Variants in MTRF1 observed in about 807,000 individuals in gnomAD.
MTRF1 encodes peptide chain release factor 1, mitochondrial.
Under a neutral mutation model 62.9 loss-of-function variants are expected in MTRF1, and 51 were observed. The ratio of observed to expected loss-of-function variants is 0.81; its 90% CI spans 0.65 to 1.02. MTRF1 has a LOEUF of 1.02. Ranked by LOEUF, MTRF1 falls within the 50% of genes least tolerant of loss-of-function variation. The probability of loss-of-function intolerance (pLI) is 0.00; values close to 1 mark genes in which losing one functional copy is unlikely to be tolerated. For synonymous variants in MTRF1, 158 were observed against 181.9 expected (o/e 0.87, Z 1.06); for missense variants, 446 against 530.0 (o/e 0.84, Z 1.56).
chr13:41,264,130 A>G (rs2040753941), upstream of MTRF1, among the ~76,000 whole-genome samples: 1 of 152,250 alleles, frequency 6.6e-6, no homozygotes, highest in Non-Finnish European at 1.5e-5. Flanking sequence ...CCACAAATGT[A>G]GAAGATTCTG....
intron 5 of MTRF1, among the ~76,000 whole-genome samples, chr13:41,251,477 A>G (rs2039054798): frequency 6.6e-6 from 1 of 152,100 alleles, no homozygotes; most frequent in South Asian, 2.1e-4. Flanking sequence ...CTGACAAGCT[A>G]TGGGTAAACT....
the MTRF1 span, among the ~76,000 whole-genome samples, chr13:41,278,641 A>G: frequency 6.6e-6 from 1 of 152,224 alleles, no homozygotes; most frequent in Non-Finnish European, 1.5e-5. Context: ...AGACATTAGT[A>G]TCAGCCACTG....
chr13:41,287,145 C>T, the MTRF1 span, among the ~76,000 whole-genome samples: 6 of 152,284 alleles, frequency 3.9e-5, no homozygotes, highest in South Asian at 2.1e-4. Flanking sequence ...AGAACAACCA[C>T]GTGGCTCAGT....
intron 5 of MTRF1, among the ~76,000 whole-genome samples, chr13:41,250,300 T>G (rs2038904246): frequency 6.6e-6 from 1 of 152,154 alleles, no homozygotes; most frequent in Non-Finnish European, 1.5e-5. Context: ...CTCTTTTTAT[T>G]TTGCTAACTG....
the MTRF1 span, among the ~76,000 whole-genome samples, chr13:41,294,288 C>T: frequency 3.3e-5 from 5 of 151,550 alleles, no homozygotes; most frequent in East Asian, 3.9e-4. Context: ...CGTGGTGGTA[C>T]GTGCCTGTAA....
the MTRF1 span, among the ~76,000 whole-genome samples, chr13:41,309,407 T>TC: frequency 3.2e-3 from 476 of 150,532 alleles, 2 homozygotes; most frequent in Non-Finnish European, 3.5e-3. Flanking sequence ...CCGGCTGGTC[T>TC]CCAACTCCTG....
At chr13:41,249,410 G>A (rs1461791743) in intron 5 of MTRF1, among the ~76,000 whole-genome samples, 4 of 151,632 alleles carry the variant, frequency 2.6e-5, no homozygotes, top group East Asian at 2.0e-4. Context: ...GCGTAGTGGC[G>A]GGTGCCTGTA....
At chr13:41,219,510 A>C (rs756845691) in intron 9 of MTRF1, among the ~76,000 whole-genome samples, 2 of 152,186 alleles carry the variant, frequency 1.3e-5, no homozygotes, top group African/African-American at 4.8e-5. Flanking sequence ...AGCTAGACAA[A>C]TACATAAGCA....
rs1435410726 is a variant in MTRF1 at position 41,260,848 on chromosome 13, C to A, written c.60G>T (p.Gln20His). ...GATGAGAATGGAGCTGGATGTGACACTGGAGGTAACCATTAAGAGATGGAT... is the reference window on the plus strand; with the variant it reads ...GATGAGAATGGAGCTGGATGTGACAATGGAGGTAACCATTAAGAGATGGAT... Reference protein sequence around the residue: ...FRHPSLNGYLQCHIQLHSHQF... With the variant: ...FRHPSLNGYLHCHIQLHSHQF... Residue 20 changes from glutamine to histidine, a missense_variant, in exon 2 of 10, where the codon CAG becomes CAT. Physicochemically the swap from Gln to His is conservative, Grantham distance 24. Coordinates refer to ENST00000379480, the MANE Select transcript of MTRF1 (RefSeq NM_004294.4). 3 of 1,613,834 alleles carry A rather than the reference C, an allele frequency of 1.9e-6. No homozygotes were observed. The South Asian group carries it at 3.3e-5, about 18-fold the overall frequency.
the MTRF1 span, among the ~76,000 whole-genome samples, chr13:41,303,682 G>A: frequency 2.6e-5 from 4 of 152,164 alleles, no homozygotes; most frequent in Admixed American, 2.6e-4. Flanking sequence ...TTGCTGGGCT[G>A]CATTCCCAGG....
At chr13:41,300,789 A>G in the MTRF1 span, among the ~76,000 whole-genome samples, 1 of 152,212 alleles carries the variant, frequency 6.6e-6, no homozygotes, top group African/African-American at 2.4e-5. Flanking sequence ...TTAAAATGAC[A>G]TAAGTTATTG....
chr13:41,255,884 G>A lies in MTRF1; in HGVS notation c.416-1264C>T, dbSNP rs576215476. On this transcript the variant is annotated intron_variant, in intron 2 of 9. Coordinates refer to ENST00000379480, the MANE Select transcript of MTRF1 (RefSeq NM_004294.4). Reference sequence around the variant, plus strand: ...AGACCTCATGACCTTTGACTCCACTGCTTTAGAGGCTTGGAGACTTTATTT... The same window carrying A: ...AGACCTCATGACCTTTGACTCCACTACTTTAGAGGCTTGGAGACTTTATTT... 3.9e-5 allele frequency among the ~76,000 whole-genome samples: 6 copies of A among 152,252 alleles called. No homozygotes were observed. The East Asian group carries it at 7.7e-4, about 20-fold the overall frequency.
At chr13:41,263,776 G>C (rs2040727530), upstream of MTRF1, among the ~76,000 whole-genome samples, 1 of 149,598 alleles carries the variant, frequency 6.7e-6, no homozygotes, top group Non-Finnish European at 1.5e-5. Flanking sequence ...TATCCAGAGC[G>C]TGAGCCCAGA....
At chr13:41,274,902 C>T in the MTRF1 span, among the ~76,000 whole-genome samples, 26 of 152,016 alleles carry the variant, frequency 1.7e-4, no homozygotes, top group African/African-American at 4.3e-4. Context: ...CATGAGCCTC[C>T]GTGCCCGGCC....
the MTRF1 span, among the ~76,000 whole-genome samples, chr13:41,297,349 T>C: frequency 4.0e-3 from 611 of 152,286 alleles, 2 homozygotes; most frequent in African/African-American, 0.013. Flanking sequence ...TGTTGAGTGT[T>C]CTTACAATCT....
At chr13:41,242,403 C>G (rs2037631834) in intron 5 of MTRF1, among the ~76,000 whole-genome samples, 1 of 152,058 alleles carries the variant, frequency 6.6e-6, no homozygotes, top group Admixed American at 6.5e-5. Flanking sequence ...CATTTTTTAC[C>G]CTAGACCTGG....
chr13:41,311,711 G>A, the MTRF1 span: 1 of 850,740 alleles, frequency 1.2e-6, no homozygotes, highest in South Asian at 1.6e-5. Flanking sequence ...TGTTTACCTC[G>A]GAGGTCGCGG....
chr13:41,255,826 A>G (rs1349675311), intron 2 of MTRF1, among the ~76,000 whole-genome samples: 1 of 152,210 alleles, frequency 6.6e-6, no homozygotes, highest in Non-Finnish European at 1.5e-5. Flanking sequence ...GCAAAACAAG[A>G]TAACAATGAT....
chr13:41,223,418 A>G, intron 8 of MTRF1, 64 bp from the exon 9 acceptor site: 1 of 1,306,738 alleles, frequency 7.7e-7, no homozygotes. Flanking sequence ...CAATGGAAAA[A>G]GCACTTGGCA....
Sources: allele counts gnomAD v4.1 joint callset (sites outside exome capture counted in the v4.1 genomes callset), GRCh38; gene constraint gnomAD v4.1.1; transcripts MANE v1.5; gene names NCBI Gene and HGNC (gene_info 2026-07-23, HGNC 2026-07-21).